The following DMD variants were observed in gnomAD, a reference collection of about 807,000 sequenced individuals.
DMD encodes mutant dystrophin.
Under a neutral mutation model 330.1 loss-of-function variants are expected in DMD, and 63 were observed. That is an observed-to-expected ratio of 0.19 (90% CI 0.16 to 0.24). The LOEUF (loss-of-function observed/expected upper bound fraction) is 0.24. Among genes scored for constraint, DMD ranks in the 10% least tolerant of loss-of-function variants. The pLI, the probability that DMD is intolerant of heterozygous loss-of-function variation, is 1.00. For synonymous variants in DMD, 1,223 were observed against 959.8 expected (o/e 1.27, Z -5.07); for missense variants, 3,344 against 2,684.1 (o/e 1.25, Z -5.43).
chrX:32,694,714 T>C lies in DMD; in HGVS notation c.960+3156A>G, dbSNP rs767651589. 2.7e-5 allele frequency among the ~76,000 whole-genome samples: 3 copies of C among 112,067 alleles called. No homozygotes were observed. The South Asian group carries it at 1.1e-3, about 42-fold the overall frequency. On this transcript the variant is annotated intron_variant, in intron 9 of 78. Coordinates refer to ENST00000357033, the MANE Select transcript of DMD (RefSeq NM_004006.3). The stretch of plus-strand genomic sequence containing the variant: ...TCTTGTTGCCCATGCTGTAGTGCAA[T>C]GGCATGATTTCAACTCACTGCAACC...
intron 43 of DMD, among the ~76,000 whole-genome samples, chrX:32,230,168 T>C: frequency 8.9e-6 from 1 of 112,324 alleles, no homozygotes; most frequent in Non-Finnish European, 1.9e-5. Context: ...ATAAGTAATT[T>C]TAATACAAAT....
At chrX:31,588,518 C>T (rs2076715751) in intron 55 of DMD, among the ~76,000 whole-genome samples, 1 of 111,408 alleles carries the variant, frequency 9.0e-6, no homozygotes, top group African/African-American at 3.3e-5. Context: ...CCTATTCTAC[C>T]TCACTCATTT....
chrX:33,300,542 T>C (rs1334441998), intron 1 of DMD, among the ~76,000 whole-genome samples: 1 of 111,938 alleles, frequency 8.9e-6, no homozygotes, highest in African/African-American at 3.2e-5. Context: ...ACTTCATATG[T>C]TGAATTCTAA....
intron 59 of DMD, among the ~76,000 whole-genome samples, chrX:31,459,401 C>T (rs2066392968): frequency 8.9e-6 from 1 of 112,271 alleles, no homozygotes; most frequent in Non-Finnish European, 1.9e-5. Context: ...CAAAGACTCT[C>T]ATTCACTTTT....
intron 1 of DMD, among the ~76,000 whole-genome samples, chrX:33,186,982 T>G (rs940518655): frequency 1.8e-5 from 2 of 112,329 alleles, no homozygotes; most frequent in Admixed American, 9.5e-5. Flanking sequence ...TATGTGAGCG[T>G]TGTAAATTGT....
chrX:31,528,173 ACATACTTTACAAGACACTTT>A, intron 55 of DMD, among the ~76,000 whole-genome samples: 1 of 94,226 alleles, frequency 1.1e-5, no homozygotes, highest in African/African-American at 4.3e-5. Context: ...TTTCTAAAGA[ACATACTTTACAAGACACTTT>A]AGGTTGTAAC....
chrX:33,101,110 GT>G (rs1351857256), intron 1 of DMD, among the ~76,000 whole-genome samples: 1 of 111,959 alleles, frequency 8.9e-6, no homozygotes, highest in Non-Finnish European at 1.9e-5. Context: ...CAATCGCAGC[GT>G]TTATTTGTTT....
chrX:31,580,301 A>G, intron 55 of DMD, among the ~76,000 whole-genome samples: 1 of 112,029 alleles, frequency 8.9e-6, no homozygotes, highest in Non-Finnish European at 1.9e-5. Context: ...CAGGGGCTCA[A>G]CAAATTGTTT....
intron 1 of DMD, among the ~76,000 whole-genome samples, chrX:33,052,895 G>C (rs745741760): frequency 9.0e-6 from 1 of 111,276 alleles, no homozygotes; most frequent in South Asian, 3.8e-4. Context: ...ACTATGCATT[G>C]TATGTCTGTA....
At chrX:32,083,382 C>T (rs1244033758) in intron 44 of DMD, among the ~76,000 whole-genome samples, 2 of 110,245 alleles carry the variant, frequency 1.8e-5, no homozygotes, top group Non-Finnish European at 3.8e-5. Context: ...CTCAGCCTCC[C>T]GAGTAGCTGG....
At chrX:32,482,695 T>C (rs2042018211) in intron 21 of DMD, among the ~76,000 whole-genome samples, 1 of 111,921 alleles carries the variant, frequency 8.9e-6, no homozygotes, top group Non-Finnish European at 1.9e-5. Flanking sequence ...TGTGATATAG[T>C]TGTAATAACA....
In DMD at chrX:31,218,645, C is replaced by T. The variant is rs116215128; in HGVS notation, c.9361+4402G>A. Among the ~76,000 whole-genome samples the T allele has an allele frequency of 4.2e-3, 471 of 111,664 alleles. 1 individual carries two copies. Among genetic ancestry groups the T allele is most frequent in the African/African-American group, 0.014 (416 of 30,703 alleles). ...AAACATATTGAACCATGCTGTGTGCCAGGTTTTGTACTAAGCATTGGGGAT... is the reference window on the plus strand; with the variant it reads ...AAACATATTGAACCATGCTGTGTGCTAGGTTTTGTACTAAGCATTGGGGAT... On this transcript the variant is annotated intron_variant, in intron 64 of 78. Coordinates refer to ENST00000357033, the MANE Select transcript of DMD (RefSeq NM_004006.3).
intron 7 of DMD, among the ~76,000 whole-genome samples, chrX:32,761,532 G>A (rs2072293086): frequency 8.9e-6 from 1 of 112,206 alleles, no homozygotes; most frequent in South Asian, 3.6e-4. Flanking sequence ...GGTCCACCCA[G>A]TAGATTTCCA....
In DMD at chrX:32,418,972, C is replaced by CAAAAAAAAAAAAAAAAAAAAAA. The variant is rs1160282195; in HGVS notation, c.4072-7081_4072-7060dup. Among the ~76,000 whole-genome samples the CAAAAAAAAAAAAAAAAAAAAAA allele has an allele frequency of 3.3e-3, 45 of 13,506 alleles. 3 individuals carry two copies. Among genetic ancestry groups the CAAAAAAAAAAAAAAAAAAAAAA allele is most frequent in the Non-Finnish European group, 5.5e-3 (37 of 6,717 alleles). 11.7% of individuals were successfully genotyped at this position (13,506 alleles called of 115,157 possible). Reference sequence around the variant, plus strand: ...TGGGTGACAGAGTGAGACTCTGTCTCAAAAAAAAAAAAAAAAAAAAAAAAA... The same window carrying CAAAAAAAAAAAAAAAAAAAAAA: ...TGGGTGACAGAGTGAGACTCTGTCTCAAAAAAAAAAAAAAAAAAAAAAAAAAAAAAAAAAAAAAAAAAAAAAA... On this transcript the variant is annotated intron_variant, in intron 29 of 78. Transcript: ENST00000357033.
At chrX:32,484,549 G>A (rs2042234002) in intron 21 of DMD, among the ~76,000 whole-genome samples, 2 of 112,113 alleles carry the variant, frequency 1.8e-5, no homozygotes, top group Non-Finnish European at 3.8e-5. Context: ...AATATTAGAA[G>A]ATGCCTAGCA....
rs757255201 is a variant in DMD at position 32,738,682 on chromosome X, T to G, written c.650-39389A>C. On this transcript the variant is annotated intron_variant, in intron 7 of 78. Transcript: ENST00000357033. ...GAGACTGAAAACTTCTTCTACATGT[T>G]CACTTGTCACCCGTCTGCAGAACAG... is the stretch of plus-strand genomic sequence containing the variant. 0.065 allele frequency among the ~76,000 whole-genome samples: 6,995 copies of G among 108,272 alleles called. 2 individuals carry two copies. Among genetic ancestry groups the G allele is most frequent in the African/African-American group, 0.24 (6,565 of 27,567 alleles). The allele number at this position is 108,272 out of a possible 115,157, so 94.0% of individuals were successfully genotyped here. A position where few individuals can be genotyped will look rare whatever the true frequency, so the allele number is the denominator to read the frequency against.
intron 61 of DMD, among the ~76,000 whole-genome samples, chrX:31,337,314 C>T (rs2057461679): frequency 9.0e-6 from 1 of 111,580 alleles, no homozygotes; most frequent in Non-Finnish European, 1.9e-5. Flanking sequence ...AGACATAGCA[C>T]ATAACAGAGC....
chrX:32,984,999 T>C (rs971126028), intron 2 of DMD, among the ~76,000 whole-genome samples: 1 of 112,283 alleles, frequency 8.9e-6, no homozygotes, highest in African/African-American at 3.2e-5. Context: ...AGATGTACAA[T>C]ATAATTTAAA....
chrX:32,252,665 T>A (rs1466345420), intron 43 of DMD, among the ~76,000 whole-genome samples: 4 of 42,776 alleles, frequency 9.4e-5, no homozygotes, highest in East Asian at 1.5e-3. Context: ...AATATATAAA[T>A]ATATATATAT....
Sources: allele counts gnomAD v4.1 joint callset (sites outside exome capture counted in the v4.1 genomes callset), GRCh38; gene constraint gnomAD v4.1.1; transcripts MANE v1.5; gene names NCBI Gene and HGNC (gene_info 2026-07-23, HGNC 2026-07-21).